The following ANGPT4 variants were observed in gnomAD, a reference collection of about 807,000 sequenced individuals.
ANGPT4 encodes the protein angiopoietin 4.
A neutral mutation model predicts 53.0 loss-of-function variants in ANGPT4; 50 were observed. That is an observed-to-expected ratio of 0.94 (90% CI 0.75 to 1.20). ANGPT4 has a LOEUF of 1.20. ANGPT4 is among the 50% of genes most tolerant of loss of function. The pLI, the probability that ANGPT4 is intolerant of heterozygous loss-of-function variation, is 0.00. For synonymous variants in ANGPT4, 251 were observed against 259.7 expected, an observed-to-expected ratio of 0.97 and a Z score of 0.32; for missense variants, 648 against 637.1, an observed-to-expected ratio of 1.02 and a Z score of -0.18.
Position 916,076 on chromosome 20 carries a change from A to C in ANGPT4, c.139T>G (p.Phe47Val). 3 of 1,614,186 alleles carry C rather than the reference A, an allele frequency of 1.9e-6. No individual in the cohort carries two copies. The highest frequency in any genetic ancestry group is 2.5e-6 in the Non-Finnish European group (3 of 1,180,008). The change falls in exon 1 of 9, where the codon TTC becomes GTC. Residue 47 changes from phenylalanine (F) to valine (V), a missense_variant. Physicochemically the swap from Phe to Val is conservative, Grantham distance 50 (BLOSUM62 -1). Coordinates refer to ENST00000381922, the MANE Select transcript of ANGPT4 (RefSeq NM_015985.4). ...CAGGGCTCAGACTTGGGCAGCAAGA[A>C]GGTGTAGCTACAGTGGCCGTGCTGG... ...VVQHGHCSYT[F>V]LLPKSEPCPP...
At chr20:907,537 G>A (rs1226482867) in intron 1 of ANGPT4, among the ~76,000 whole-genome samples, 1 of 152,148 alleles carries the variant, frequency 6.6e-6, no homozygotes, top group Non-Finnish European at 1.5e-5. Flanking sequence ...CATTTTGCTT[G>A]GCAACATGCT....
intron 2 of ANGPT4, among the ~76,000 whole-genome samples, chr20:888,809 T>C (rs115074697): frequency 0.049 from 7,456 of 152,280 alleles, 211 homozygotes; most frequent in Middle Eastern, 0.092. Flanking sequence ...CCCTCATTGC[T>C]TGCAATCTAT....
intron 1 of ANGPT4, among the ~76,000 whole-genome samples, chr20:903,649 A>G (rs1316932534): frequency 6.6e-6 from 1 of 152,230 alleles, no homozygotes; most frequent in Non-Finnish European, 1.5e-5. Context: ...CTTTGGAAAC[A>G]GGTAAAACAG....
At chr20:882,498 G>A (rs948381174) in intron 4 of ANGPT4, among the ~76,000 whole-genome samples, 6 of 149,514 alleles carry the variant, frequency 4.0e-5, no homozygotes, top group African/African-American at 9.7e-5. Flanking sequence ...CACTTGTCCA[G>A]AGAAGGCTAT....
At chr20:915,039 G>A (rs765521257) in intron 1 of ANGPT4, among the ~76,000 whole-genome samples, 100 of 152,114 alleles carry the variant, frequency 6.6e-4, no homozygotes, top group African/African-American at 1.6e-3. Context: ...TCCTAGCCCC[G>A]TTCTGCTCCA....
chr20:893,420 T>C (rs758093639), intron 1 of ANGPT4, among the ~76,000 whole-genome samples: 26 of 152,254 alleles, frequency 1.7e-4, no homozygotes, highest in Non-Finnish European at 3.4e-4. Flanking sequence ...GATTTCCATA[T>C]TACTGAGTGT....
At chr20:893,671 T>G (rs1403184237) in intron 1 of ANGPT4, among the ~76,000 whole-genome samples, 1 of 152,156 alleles carries the variant, frequency 6.6e-6, no homozygotes, top group Non-Finnish European at 1.5e-5. Context: ...TCAAGCCCAG[T>G]GTGAAACTCT....
At chr20:910,821 C>T (rs1982667271) in intron 1 of ANGPT4, among the ~76,000 whole-genome samples, 1 of 152,134 alleles carries the variant, frequency 6.6e-6, no homozygotes, top group Non-Finnish European at 1.5e-5. Flanking sequence ...GCCTGCCCTG[C>T]ACCCCCACCT....
intron 1 of ANGPT4, among the ~76,000 whole-genome samples, chr20:896,728 T>G (rs987955225): frequency 1.3e-5 from 2 of 152,218 alleles, no homozygotes; most frequent in African/African-American, 4.8e-5. Flanking sequence ...GGCTGGGGCC[T>G]CTACTGGTGT....
At chr20:913,257 CCTGGACCAAGAGAAGAACCAGAGGAAGGT>C (rs1436077667) in intron 1 of ANGPT4, among the ~76,000 whole-genome samples, 3 of 152,002 alleles carry the variant, frequency 2.0e-5, no homozygotes, top group African/African-American at 7.3e-5. Context: ...CTGAGATATG[CCTGGACCAAGAGAAGAACCAGAGGAAGGT>C]CACAGCCACA....
chr20:900,264 C>T (rs1389410095), intron 1 of ANGPT4, among the ~76,000 whole-genome samples: 1 of 152,152 alleles, frequency 6.6e-6, no homozygotes, highest in Non-Finnish European at 1.5e-5. Flanking sequence ...TGAATGGTTG[C>T]TTGTAGATAC....
At chr20:907,880 G>A (rs2011489) in intron 1 of ANGPT4, among the ~76,000 whole-genome samples, 63,702 of 152,056 alleles carry the variant, frequency 0.42, 16,034 homozygotes, top group African/African-American at 0.71. Context: ...CTGCCTGTAC[G>A]ACTCCAGTGT....
At chr20:905,378 C>G (rs1485491779) in intron 1 of ANGPT4, among the ~76,000 whole-genome samples, 1 of 152,138 alleles carries the variant, frequency 6.6e-6, no homozygotes. Context: ...GTGGAAAGAG[C>G]AGATGGGTCA....
intron 1 of ANGPT4, among the ~76,000 whole-genome samples, chr20:894,851 C>T (rs1981983228): frequency 6.6e-6 from 1 of 152,214 alleles, no homozygotes; most frequent in Non-Finnish European, 1.5e-5. Flanking sequence ...CAGAGCTGAG[C>T]TGGTGATTCA....
rs1042080974 is a variant in ANGPT4, at chr20:914,687, G to C, written c.309+1219C>G. ...TCATTCCTCAGTCATCGCCCAGACT[G>C]TCTCCTGGGTCCCTCTCCCTTTCCT... is the stretch of plus-strand genomic sequence containing the variant. On this transcript the variant is annotated intron_variant, in intron 1 of 8. Coordinates refer to ENST00000381922, the MANE Select transcript of ANGPT4 (RefSeq NM_015985.4). The surrounding 1 kb of genome is among the most constrained non-coding windows in gnomAD (Gnocchi z 5.0). Among the ~76,000 whole-genome samples, 2 of 152,078 alleles carry C rather than the reference G, an allele frequency of 1.3e-5. No individual in the cohort carries two copies. Among genetic ancestry groups the C allele is most frequent in the African/African-American group, 2.4e-5 (1 of 41,388 alleles).
At chr20:884,954 T>C in intron 4 of ANGPT4, 124 bp downstream of exon 4, 1 of 1,321,944 alleles carries the variant, frequency 7.6e-7, no homozygotes, top group Non-Finnish European at 1.0e-6. Flanking sequence ...ATTTCACAGA[T>C]GGTCGGGGAG....
At chr20:907,236 T>G (rs1982508114) in intron 1 of ANGPT4, among the ~76,000 whole-genome samples, 1 of 152,278 alleles carries the variant, frequency 6.6e-6, no homozygotes, top group Middle Eastern at 3.4e-3. Context: ...GTGGAATATT[T>G]GGGACTTCCC....
chr20:887,605 A>G (rs1015340101), intron 3 of ANGPT4, among the ~76,000 whole-genome samples: 2 of 140,904 alleles, frequency 1.4e-5, no homozygotes, highest in Non-Finnish European at 3.1e-5. Flanking sequence ...TAGCTGCCAG[A>G]TTTTTCTGCT....
intron 4 of ANGPT4, 29 bp downstream of exon 4, chr20:885,049 C>T (rs1272723188): frequency 3.1e-6 from 5 of 1,612,442 alleles, no homozygotes; most frequent in African/African-American, 2.7e-5. Context: ...CCGTCTTTAG[C>T]CACACTGGGG....
Sources: gnomAD v4.1 joint callset for allele counts (sites outside exome capture counted in the v4.1 genomes callset) on GRCh38, gnomAD v4.1.1 for gene constraint, Gnocchi (gnomAD v3.1) non-coding constraint, MANE v1.5 for transcripts, NCBI Gene and HGNC (gene_info 2026-07-23, HGNC 2026-07-21) for gene names.